The following ERGIC1 variants were observed in gnomAD, a reference collection of about 807,000 sequenced individuals.
The protein encoded by ERGIC1 is endoplasmic reticulum-golgi intermediate compartment 1, also known as endoplasmic reticulum-Golgi intermediate compartment protein 1.
A neutral mutation model predicts 38.3 loss-of-function variants in ERGIC1; 19 were observed. The ratio of observed to expected loss-of-function variants is 0.50; its 90% CI spans 0.35 to 0.73. The LOEUF is 0.73. ERGIC1 is among the 30% of genes least tolerant of loss of function. The pLI, the probability that ERGIC1 is intolerant of heterozygous loss-of-function variation, is 0.01. For synonymous variants in ERGIC1, 124 were observed against 157.6 expected, an observed-to-expected ratio of 0.79 and a Z score of 1.60; for missense variants, 294 against 389.2, an observed-to-expected ratio of 0.76 and a Z score of 2.06.
intron 1 of ERGIC1, among the ~76,000 whole-genome samples, chr5:172,862,489 G>A (rs1372056638): frequency 6.6e-6 from 1 of 152,048 alleles, no homozygotes; most frequent in African/African-American, 2.4e-5. Context: ...GAGCACAAAG[G>A]TGGATGCCCT....
intron 3 of ERGIC1, 84 bp downstream of exon 3, chr5:172,897,158 G>A (rs758614512): frequency 7.5e-7 from 1 of 1,331,600 alleles, no homozygotes; most frequent in Non-Finnish European, 1.1e-6. Flanking sequence ...GCCAGGTTTG[G>A]TGGCTAACAC....
chr5:172,897,722 A>G (rs1236373531), intron 3 of ERGIC1: 1 of 412,738 alleles, frequency 2.4e-6, no homozygotes, highest in East Asian at 3.6e-5. Flanking sequence ...GGGTCATTTG[A>G]TGTGAGAGCC....
At chr5:172,887,893 G>C (rs915554757) in intron 1 of ERGIC1, among the ~76,000 whole-genome samples, 1 of 152,186 alleles carries the variant, frequency 6.6e-6, no homozygotes, top group African/African-American at 2.4e-5. Context: ...GGGTGCAGCC[G>C]GAGTGGAAAC....
chr5:172,863,884 C>T (rs1037996967), intron 1 of ERGIC1, among the ~76,000 whole-genome samples: 1 of 152,112 alleles, frequency 6.6e-6, no homozygotes, highest in Non-Finnish European at 1.5e-5. Context: ...TATATCACAA[C>T]CCAGTGTACA....
intron 4 of ERGIC1, among the ~76,000 whole-genome samples, chr5:172,913,173 A>G (rs951430499): frequency 6.6e-6 from 1 of 152,244 alleles, no homozygotes; most frequent in African/African-American, 2.4e-5. Flanking sequence ...TAACTCAGCC[A>G]CTGATCTGCT....
At chr5:172,908,679 A>G (rs1763120460) in intron 3 of ERGIC1, among the ~76,000 whole-genome samples, 2 of 152,186 alleles carry the variant, frequency 1.3e-5, no homozygotes, top group Admixed American at 6.5e-5. Context: ...AGAAGCTGAA[A>G]AAGGCAAGAA....
At chr5:172,851,125 C>T (rs548798483) in intron 1 of ERGIC1, among the ~76,000 whole-genome samples, 7 of 149,642 alleles carry the variant, frequency 4.7e-5, no homozygotes, top group African/African-American at 1.7e-4. Context: ...CCCTTGAACC[C>T]GGGAGGTGGA....
intron 1 of ERGIC1, among the ~76,000 whole-genome samples, chr5:172,850,512 G>C (rs114999877): frequency 1.4e-4 from 21 of 152,306 alleles, no homozygotes; most frequent in African/African-American, 4.6e-4. Context: ...GGTGGGCACC[G>C]TGTAGTGCGG....
At chr5:172,941,869 A>C (rs1211418886) in intron 9 of ERGIC1, among the ~76,000 whole-genome samples, 2 of 152,220 alleles carry the variant, frequency 1.3e-5, no homozygotes, top group African/African-American at 4.8e-5. Context: ...CCAGAAACTA[A>C]GGCAGCAAGT....
At position 172,846,214 on chromosome 5, in the gene ERGIC1, C is replaced by G. The variant is rs1347204359; in HGVS notation, c.20+11781C>G. ...CTCCCCCTCCCCCAATCCCCTGCACCCATCATTCCTGTAAAGTGACCCTCC... is the reference window on the plus strand; with the variant it reads ...CTCCCCCTCCCCCAATCCCCTGCACGCATCATTCCTGTAAAGTGACCCTCC... On this transcript the variant is annotated intron_variant, in intron 1 of 9. Coordinates refer to ENST00000393784, the MANE Select transcript of ERGIC1 (RefSeq NM_001031711.3). This position sits in a 1 kb window ranked among gnomAD's most constrained non-coding sequence, Gnocchi z 4.0. Among the ~76,000 whole-genome samples, 1 of 152,164 alleles carries G rather than the reference C, an allele frequency of 6.6e-6. No individual in the cohort carries two copies. Among genetic ancestry groups the G allele is most frequent in the Non-Finnish European group, 1.5e-5 (1 of 68,022 alleles).
At chr5:172,893,899 A>ATGTGTG (rs1156930879) in intron 2 of ERGIC1, among the ~76,000 whole-genome samples, 18 of 13,038 alleles carry the variant, frequency 1.4e-3, no homozygotes, top group Non-Finnish European at 3.0e-3. Flanking sequence ...ATATATATAT[A>ATGTGTG]TATATATGTG....
chr5:172,942,063 T>A (rs1764022152), intron 9 of ERGIC1, among the ~76,000 whole-genome samples: 1 of 152,160 alleles, frequency 6.6e-6, no homozygotes, highest in Non-Finnish European at 1.5e-5. Flanking sequence ...TAGCCAGGCG[T>A]GGTGGTGCAC....
intron 3 of ERGIC1, among the ~76,000 whole-genome samples, 171 bp downstream of exon 3, chr5:172,897,245 A>G (rs1309266463): frequency 1.3e-5 from 2 of 152,010 alleles, no homozygotes; most frequent in East Asian, 1.9e-4. Flanking sequence ...CCTGGCCAAC[A>G]TGCTGATACC....
At chr5:172,923,506 C>A (rs1489707647) in intron 5 of ERGIC1, among the ~76,000 whole-genome samples, 1 of 152,174 alleles carries the variant, frequency 6.6e-6, no homozygotes, top group Non-Finnish European at 1.5e-5. Context: ...TCTGCGAGGG[C>A]TTGAGACCCA....
At chr5:172,872,534 G>A (rs1762042800) in intron 1 of ERGIC1, among the ~76,000 whole-genome samples, 1 of 152,082 alleles carries the variant, frequency 6.6e-6, no homozygotes, top group African/African-American at 2.4e-5. Flanking sequence ...GTGGTCTCAG[G>A]CCAGGCTTGG....
At position 172,834,712 on chromosome 5, in the gene ERGIC1, C is replaced by G. The variant is rs919570055; in HGVS notation, c.20+279C>G. On this transcript the variant is annotated intron_variant, in intron 1 of 9. Transcript: ENST00000393784. The surrounding 1 kb of genome is among the most constrained non-coding windows in gnomAD (Gnocchi z 4.1). The stretch of plus-strand genomic sequence containing the variant: ...CCCGGATACCTTGCATTCCCCTCCC[C>G]CACACTAGGAAACATTTCCTCCCTC... Among the ~76,000 whole-genome samples, 1 of 152,146 alleles carries G rather than the reference C, an allele frequency of 6.6e-6. No homozygotes were observed. The highest frequency in any genetic ancestry group is 2.4e-5 in the African/African-American group (1 of 41,516).
At chr5:172,915,989 T>C (rs1043424610) in intron 5 of ERGIC1, 1 of 204,206 alleles carries the variant, frequency 4.9e-6, no homozygotes, top group African/African-American at 2.4e-5. Flanking sequence ...TTTCTGGCTT[T>C]TAAAAGTCAG....
At chr5:172,844,272 T>G (rs913204706) in intron 1 of ERGIC1, among the ~76,000 whole-genome samples, 4 of 152,212 alleles carry the variant, frequency 2.6e-5, no homozygotes, top group Admixed American at 2.6e-4. Flanking sequence ...GGGCAAGATG[T>G]GGGCCATGGC....
At chr5:172,915,337 C>T (rs575070712) in intron 5 of ERGIC1, 10 of 474,602 alleles carry the variant, frequency 2.1e-5, no homozygotes, top group South Asian at 4.2e-5. Context: ...TCTGGGGCAG[C>T]GTTCCTGGGC....
Sources: gnomAD v4.1 joint callset for allele counts (sites outside exome capture counted in the v4.1 genomes callset) on GRCh38, gnomAD v4.1.1 for gene constraint, Gnocchi (gnomAD v3.1) non-coding constraint, MANE v1.5 for transcripts, NCBI Gene and HGNC (gene_info 2026-07-23, HGNC 2026-07-21) for gene names.